CCDC88C: variants seen among roughly 807,000 people sequenced by gnomAD.
The protein encoded by CCDC88C is coiled-coil and HOOK domain protein 88C, also known as protein Daple.
Under a neutral mutation model 198.8 loss-of-function variants are expected in CCDC88C, and 131 were observed. That is an observed-to-expected ratio of 0.66 (90% CI 0.57 to 0.76). The LOEUF (loss-of-function observed/expected upper bound fraction) is 0.76. Ranked by LOEUF, CCDC88C falls within the 30% of genes least tolerant of loss-of-function variation. The pLI, the probability that CCDC88C is intolerant of heterozygous loss-of-function variation, is 0.00. For missense variants in CCDC88C, 2,553 were observed against 2,631.6 expected, an observed-to-expected ratio of 0.97 and a Z score of 0.65; for synonymous variants, 1,166 against 1,114.7, an observed-to-expected ratio of 1.05 and a Z score of -0.92.
At chr14:91,316,997 C>G (rs1233747295) in intron 13 of CCDC88C, among the ~76,000 whole-genome samples, 1 of 152,176 alleles carries the variant, frequency 6.6e-6, no homozygotes, top group Non-Finnish European at 1.5e-5. Context: ...GTTGTGGGTG[C>G]CAGGACCCTG....
chr14:91,359,814 C>T, intron 3 of CCDC88C, 103 bp from the exon 4 acceptor site: 2 of 1,023,628 alleles, frequency 2.0e-6, no homozygotes, highest in South Asian at 1.4e-5. Context: ...GGGTGCACAG[C>T]CATCCCGTGG....
chr14:91,315,766 G>A lies in CCDC88C; in HGVS notation c.1549C>T (p.Leu517=), dbSNP rs774469046. 1.9e-6 allele frequency: 3 copies of A among 1,613,142 alleles called. No homozygotes were observed. In the East Asian group the frequency reaches 6.7e-5, roughly 36 times the overall value. ...TGGTTGCTCTGCTTTTCTCTCTCCA[G>A]CTGGGTTTGTAACTTTTCAATCTGC... ...SKKIEKLQTQ[L]EREKQSNQDL... is the part of the protein sequence containing the mutation. The change falls in exon 14 of 30, where the codon CTG becomes TTG. Residue 517 remains leucine (L), a synonymous_variant. Transcript: ENST00000389857.
chr14:91,354,959 C>T (rs1435462762), intron 4 of CCDC88C, among the ~76,000 whole-genome samples: 1 of 152,174 alleles, frequency 6.6e-6, no homozygotes. Flanking sequence ...GCAGGAGAGA[C>T]AGGTGGGGCC....
chr14:91,302,714 A>G (rs868073082), intron 20 of CCDC88C, among the ~76,000 whole-genome samples: 65 of 152,338 alleles, frequency 4.3e-4, no homozygotes, highest in African/African-American at 1.5e-3. Context: ...ATGCATACAC[A>G]AGAGTTTCAC....
chr14:91,273,142 G>A lies in CCDC88C; in HGVS notation c.5570C>T (p.Ala1857Val), dbSNP rs764475037. 5.7e-6 allele frequency: 9 copies of A among 1,579,260 alleles called. No individual in the cohort carries two copies. Among genetic ancestry groups the A allele is most frequent in the Non-Finnish European group, 7.7e-6 (9 of 1,163,000 alleles). Residue 1857 changes from alanine to valine, a missense_variant, in exon 30 of 30, where the codon GCC becomes GTC. Coordinates refer to ENST00000389857, the MANE Select transcript of CCDC88C (RefSeq NM_001080414.4). This position sits in a 1 kb window ranked among gnomAD's most constrained non-coding sequence, Gnocchi z 5.6. ...TCCCACAAGTGGGGTCCGCTCCCGG[G>A]CCAGGCTATGGGAGCTGGGGGGTGC... Reference protein sequence around the residue: ...SPAPPSSHSLARERTPLVGKA... With the variant: ...SPAPPSSHSLVRERTPLVGKA...
chr14:91,318,895 G>GACA (rs1892224151), intron 13 of CCDC88C, among the ~76,000 whole-genome samples: 1 of 121,488 alleles, frequency 8.2e-6, no homozygotes, highest in South Asian at 2.6e-4. Flanking sequence ...CTCCAGCCTG[G>GACA]ACAACAGAGC....
rs147571131 is a variant in CCDC88C, at chr14:91,381,775, G to A, written c.271-22064C>T. On this transcript the variant is annotated intron_variant, in intron 3 of 29. Transcript: ENST00000389857. The surrounding 1 kb of genome is among the most constrained non-coding windows in gnomAD (Gnocchi z 4.2). ...CTTGAACCCAGGAGGCAGAGGTTGC[G>A]GTGAGCCAAGATCGTGCCAGCCAGG... 7.0e-3 allele frequency among the ~76,000 whole-genome samples: 1,064 copies of A among 152,256 alleles called. 10 individuals are homozygous for A. Among genetic ancestry groups the A allele is most frequent in the African/African-American group, 0.024 (1,016 of 41,532 alleles).
chr14:91,377,161 CAGG>C (rs1171092073), intron 3 of CCDC88C, among the ~76,000 whole-genome samples: 11 of 152,202 alleles, frequency 7.2e-5, no homozygotes, highest in South Asian at 4.1e-4. Flanking sequence ...GAGCTTTTCT[CAGG>C]AGGAGGGGGT....
chr14:91,372,543 G>GGGGGGGGGGGGGGGGGGGGGT (rs1894862411), intron 3 of CCDC88C, among the ~76,000 whole-genome samples: 1 of 82,086 alleles, frequency 1.2e-5, no homozygotes. Context: ...GGGGGCGGGC[G>GGGGGGGGGGGGGGGGGGGGGT]GGGGGGGGAG....
chr14:91,405,699 C>G (rs1886448374), intron 3 of CCDC88C, among the ~76,000 whole-genome samples: 1 of 152,170 alleles, frequency 6.6e-6, no homozygotes, highest in African/African-American at 2.4e-5. Flanking sequence ...TTTTCTCTTG[C>G]TACTTGTCTG....
Position 91,279,420 on chromosome 14 carries a change from C to T in CCDC88C, c.4700-114G>A, listed in dbSNP as rs199958645. On this transcript the variant is annotated intron_variant, in intron 27 of 29. Transcript: ENST00000389857. Reference sequence around the variant, plus strand: ...AATCCCATGCCAAAGCTAAGCCCAACGCCCTCAGGAAGGAGGAGCTCTGGG... The same window carrying T: ...AATCCCATGCCAAAGCTAAGCCCAATGCCCTCAGGAAGGAGGAGCTCTGGG... The T allele has an allele frequency of 5.1e-5, 43 of 840,946 alleles. No individual in the cohort carries two copies. In the East Asian group the frequency reaches 5.5e-4, roughly 11 times the overall value. 52.1% of individuals were successfully genotyped at this position (840,946 alleles called of 1,614,324 possible).
rs1376090611 is a variant in CCDC88C, at chr14:91,273,858, C to T, written c.5059-205G>A. Reference sequence around the variant, plus strand: ...GGGTGGCTAAGGCAGCATGGGACCACCAGGAAAGAACCCCAGATTCCCCCC... The same window carrying T: ...GGGTGGCTAAGGCAGCATGGGACCATCAGGAAAGAACCCCAGATTCCCCCC... On this transcript the variant is annotated intron_variant, in intron 29 of 29. Coordinates refer to ENST00000389857, the MANE Select transcript of CCDC88C (RefSeq NM_001080414.4). The surrounding 1 kb of genome is among the most constrained non-coding windows in gnomAD (Gnocchi z 5.6). Among the ~76,000 whole-genome samples, 1 of 152,136 alleles carries T rather than the reference C, an allele frequency of 6.6e-6. No individual in the cohort carries two copies. The highest frequency in any genetic ancestry group is 1.5e-5 in the Non-Finnish European group (1 of 68,028).
chr14:91,296,611 C>T (rs924102987), intron 22 of CCDC88C, among the ~76,000 whole-genome samples: 1 of 152,242 alleles, frequency 6.6e-6, no homozygotes, highest in African/African-American at 2.4e-5. Context: ...GGCATCTTGG[C>T]ACCCTGCGCC....
At chr14:91,402,022 C>A (rs1258810408) in intron 3 of CCDC88C, among the ~76,000 whole-genome samples, 2 of 152,176 alleles carry the variant, frequency 1.3e-5, no homozygotes, top group African/African-American at 4.8e-5. Flanking sequence ...TGCCTGTAAT[C>A]CCAGCACTTT....
intron 20 of CCDC88C, 77 bp from the exon 21 acceptor site, chr14:91,300,147 T>C (rs1891207089): frequency 1.3e-6 from 2 of 1,537,708 alleles, no homozygotes. Flanking sequence ...CCAGAGGATC[T>C]GCGTGCCTCC....
intron 25 of CCDC88C, chr14:91,285,633 A>G: frequency 7.9e-7 from 1 of 1,259,002 alleles, no homozygotes; most frequent in South Asian, 1.3e-5. Flanking sequence ...GAAATGAAGG[A>G]GGGTACACAA....
chr14:91,362,668 G>A (rs1894362000), intron 3 of CCDC88C, among the ~76,000 whole-genome samples: 1 of 152,148 alleles, frequency 6.6e-6, no homozygotes, highest in African/African-American at 2.4e-5. Flanking sequence ...GGTGGCTCAC[G>A]CCTGTAATCC....
intron 16 of CCDC88C, among the ~76,000 whole-genome samples, chr14:91,309,532 C>A (rs753445316): frequency 6.6e-6 from 1 of 151,582 alleles, no homozygotes; most frequent in African/African-American, 2.4e-5. Context: ...ATCGCTTGAA[C>A]CCGGGAGGTG....
At chr14:91,306,929 T>G (rs1421391622) in intron 18 of CCDC88C, 109 bp downstream of exon 18, 1 of 1,235,128 alleles carries the variant, frequency 8.1e-7, no homozygotes, top group Non-Finnish European at 1.1e-6. Context: ...TAGATCTGGC[T>G]AAATCTCCTG....
Sources: allele counts gnomAD v4.1 joint callset (sites outside exome capture counted in the v4.1 genomes callset), GRCh38; gene constraint gnomAD v4.1.1; non-coding constraint Gnocchi (gnomAD v3.1); transcripts MANE v1.5; gene names NCBI Gene and HGNC (gene_info 2026-07-23, HGNC 2026-07-21).